Variants in AQP7B observed in about 807,000 individuals in gnomAD.
The protein encoded by AQP7B is putative aquaporin-7B.
the AQP7B span, among the ~76,000 whole-genome samples, chr2:94,598,416 T>A: frequency 6.6e-6 from 1 of 152,076 alleles, no homozygotes; most frequent in Non-Finnish European, 1.5e-5. Flanking sequence ...CCACATTCAC[T>A]GATCAGGGAG....
chr2:94,596,038 G>T, the AQP7B span, among the ~76,000 whole-genome samples: 1 of 152,226 alleles, frequency 6.6e-6, no homozygotes, highest in African/African-American at 2.4e-5. Flanking sequence ...AGAAGGAACG[G>T]TCAGAGAGGT....
the AQP7B span, among the ~76,000 whole-genome samples, chr2:94,592,040 G>T: frequency 6.6e-6 from 1 of 152,290 alleles, no homozygotes. Flanking sequence ...TTCATTGGCT[G>T]GTTGGTGGTT....
At chr2:94,597,849 C>T in the AQP7B span, among the ~76,000 whole-genome samples, 4 of 152,238 alleles carry the variant, frequency 2.6e-5, no homozygotes, top group East Asian at 7.7e-4. Flanking sequence ...AAGTGATCCT[C>T]CCACCTCGGC....
At chr2:94,595,422 C>T in the AQP7B span, among the ~76,000 whole-genome samples, 40 of 149,936 alleles carry the variant, frequency 2.7e-4, no homozygotes, top group Non-Finnish European at 4.7e-4. Context: ...GTGACAGGAG[C>T]GAAACTCTGT....
the AQP7B span, among the ~76,000 whole-genome samples, chr2:94,590,843 C>G: frequency 6.9e-6 from 1 of 144,560 alleles, no homozygotes; most frequent in South Asian, 2.3e-4. Context: ...ACTTGGGAGG[C>G]TGAGGTGGGA....
the AQP7B span, among the ~76,000 whole-genome samples, chr2:94,591,944 T>A: frequency 1.3e-5 from 2 of 152,026 alleles, no homozygotes; most frequent in African/African-American, 4.8e-5. Flanking sequence ...AATTGATTGC[T>A]TTTCTTCCCA....
the AQP7B span, chr2:94,602,478 G>A: frequency 1.1e-5 from 18 of 1,600,326 alleles, no homozygotes; most frequent in Middle Eastern, 2.3e-4. Context: ...CCCCTTAGAG[G>A]CCCTCCCTTG....
the AQP7B span, among the ~76,000 whole-genome samples, chr2:94,599,158 G>A: frequency 5.3e-3 from 801 of 152,190 alleles, 16 homozygotes; most frequent in Non-Finnish European, 3.1e-3. Context: ...GGCCATGGGG[G>A]CCCCTCTGTT....
At chr2:94,602,906 G>A in the AQP7B span, 3 of 1,147,670 alleles carry the variant, frequency 2.6e-6, no homozygotes, top group Non-Finnish European at 2.4e-6. Flanking sequence ...CGGGGTGGTT[G>A]TGAGGGCTCA....
At chr2:94,594,281 G>C in the AQP7B span, among the ~76,000 whole-genome samples, 1 of 152,206 alleles carries the variant, frequency 6.6e-6, no homozygotes, top group South Asian at 2.1e-4. Context: ...ACCTCATGCT[G>C]TTTGTAGAGT....
chr2:94,598,956 C>A, the AQP7B span, among the ~76,000 whole-genome samples: 4 of 152,060 alleles, frequency 2.6e-5, no homozygotes, highest in Admixed American at 2.6e-4. Context: ...GCATGTGCCA[C>A]CACACCTGGC....
the AQP7B span, chr2:94,604,316 G>A: frequency 2.5e-6 from 4 of 1,608,972 alleles, no homozygotes; most frequent in South Asian, 3.3e-5. Context: ...GTGGGTGCCA[G>A]TGGTGGCACC....
chr2:94,603,885 C>A, the AQP7B span: 2 of 1,356,814 alleles, frequency 1.5e-6, no homozygotes, highest in Non-Finnish European at 2.1e-6. Flanking sequence ...ACCCGCCCCC[C>A]AGCATCTTCA....
the AQP7B span, among the ~76,000 whole-genome samples, chr2:94,593,572 A>G: frequency 7.0e-6 from 1 of 143,310 alleles, no homozygotes; most frequent in African/African-American, 2.6e-5. Context: ...TGCAACCTCC[A>G]TCTCCCATGT....
the AQP7B span, chr2:94,603,657 T>A: frequency 2.3e-6 from 3 of 1,319,100 alleles, no homozygotes; most frequent in African/African-American, 4.4e-5. Flanking sequence ...CCACTGCCGA[T>A]GTCCTGTGGC....
the AQP7B span, chr2:94,603,972 G>A: frequency 9.1e-7 from 1 of 1,096,344 alleles, no homozygotes; most frequent in East Asian, 2.4e-5. Context: ...TTTTTCTGTG[G>A]AGCTCCTGTG....
the AQP7B span, among the ~76,000 whole-genome samples, chr2:94,604,095 C>G: frequency 6.6e-6 from 1 of 152,156 alleles, no homozygotes; most frequent in Non-Finnish European, 1.5e-5. Context: ...AGTACAGATA[C>G]AGATCCTGCA....
the AQP7B span, chr2:94,602,591 G>A: frequency 6.3e-7 from 1 of 1,597,168 alleles, no homozygotes. Context: ...CACCATGGGA[G>A]TCCACGTGGC....
chr2:94,588,983 CTTTTTTTTTTT>C, the AQP7B span, among the ~76,000 whole-genome samples: 1 of 135,404 alleles, frequency 7.4e-6, no homozygotes, highest in South Asian at 2.4e-4. Flanking sequence ...GTTTTTTTTT[CTTTTTTTTTTT>C]TTTTTTGAGA....
Sources: gnomAD v4.1 joint callset for allele counts (sites outside exome capture counted in the v4.1 genomes callset) on GRCh38, gnomAD v4.1.1 for gene constraint, MANE v1.5 for transcripts, NCBI Gene and HGNC (gene_info 2026-07-23, HGNC 2026-07-21) for gene names.